Variants in DERPC observed in about 807,000 individuals in gnomAD.
The protein encoded by DERPC is decreased expression in renal and prostate cancer protein.
A neutral mutation model predicts 7.2 loss-of-function variants in DERPC; 1 was observed. The ratio of observed to expected loss-of-function variants is 0.14; its 90% CI spans 0.05 to 0.66. DERPC has a LOEUF of 0.66. Among genes scored for constraint, DERPC ranks in the 30% least tolerant of loss-of-function variants. The pLI, the probability that DERPC is intolerant of heterozygous loss-of-function variation, is 0.84. For missense variants in DERPC, 502 were observed against 299.4 expected (o/e 1.68, Z -4.99); for synonymous variants, 185 against 117.6 (o/e 1.57, Z -3.71).
chr16:69,129,089 CAAAAA>C (rs768378198), intron 1 of DERPC, among the ~76,000 whole-genome samples: 1 of 144,562 alleles, frequency 6.9e-6, no homozygotes, highest in South Asian at 2.2e-4. Flanking sequence ...TGAAACAAAA[CAAAAA>C]AAAAACTGGC....
At chr16:69,129,565 T>C (rs1467776311) in intron 1 of DERPC, among the ~76,000 whole-genome samples, 2 of 152,286 alleles carry the variant, frequency 1.3e-5, no homozygotes, top group Non-Finnish European at 2.9e-5. Flanking sequence ...TGACACCCTA[T>C]GCTTTTAGCA....
chr16:69,122,558 TGG>T (rs1174601284), intron 1 of DERPC, among the ~76,000 whole-genome samples: 5 of 147,224 alleles, frequency 3.4e-5, no homozygotes, highest in East Asian at 2.0e-4. Flanking sequence ...TTTTTTTTTT[TGG>T]GAGGGAGTCT....
intron 1 of DERPC, among the ~76,000 whole-genome samples, chr16:69,129,429 C>CAAAAA (rs11420871): frequency 6.6e-5 from 5 of 75,570 alleles, no homozygotes; most frequent in Non-Finnish European, 1.0e-4. Context: ...GACTCCGTCA[C>CAAAAA]AAAAAAAAAA....
chr16:69,121,156 C>T (rs776627380), intron 2 of DERPC: 2 of 1,612,948 alleles, frequency 1.2e-6, no homozygotes, highest in East Asian at 2.2e-5. Flanking sequence ...TTCTGCCAGG[C>T]CTCCAGCCCT....
rs1961444417 is a variant in DERPC, at chr16:69,119,429, T to C, written c.1000A>G (p.Met334Val). The change falls in exon 3 of 3, where the codon ATG becomes GTG. Residue 334 changes from methionine (M) to valine (V), a missense_variant. Met to Val is a conservative substitution (Grantham distance 21). Coordinates refer to ENST00000519520, the MANE Select transcript of DERPC (RefSeq NM_001002847.4). Reference sequence around the variant, plus strand: ...CCTATGGGGCCAGGAGCCCTTGACATGGGAGATGGATTTGGCCCTGGAAGG... The same window carrying C: ...CCTATGGGGCCAGGAGCCCTTGACACGGGAGATGGATTTGGCCCTGGAAGG... ...IGLPGPNPSP[M>V]SRAPGPIGPN... 1 of 702,802 alleles carries C rather than the reference T, an allele frequency of 1.4e-6. No individual in the cohort carries two copies. Among genetic ancestry groups the C allele is most frequent in the South Asian group, 1.5e-5 (1 of 67,584 alleles). 43.5% of individuals were successfully genotyped at this position (702,802 alleles called of 1,614,324 possible). A position where few individuals can be genotyped will look rare whatever the true frequency, so the allele number is the denominator to read the frequency against.
At chr16:69,125,723 C>T (rs1460220280) in intron 1 of DERPC, among the ~76,000 whole-genome samples, 2 of 152,176 alleles carry the variant, frequency 1.3e-5, no homozygotes, top group Non-Finnish European at 2.9e-5. Context: ...GAACTAAAAG[C>T]ACTTTAAAAA....
chr16:69,121,307 G>C, intron 2 of DERPC, 129 bp downstream of exon 2: 1 of 1,208,046 alleles, frequency 8.3e-7, no homozygotes, highest in South Asian at 1.4e-5. Context: ...GCTAGGCATG[G>C]AACTAGAGAT....
intron 2 of DERPC, chr16:69,121,196 A>G (rs1567589266): frequency 6.3e-7 from 1 of 1,599,708 alleles, no homozygotes; most frequent in Non-Finnish European, 8.6e-7. Flanking sequence ...TGGCGGTTAC[A>G]ATATTTTTGA....
At chr16:69,125,168 T>C (rs564238166) in intron 1 of DERPC, among the ~76,000 whole-genome samples, 2 of 152,286 alleles carry the variant, frequency 1.3e-5, no homozygotes, top group East Asian at 3.9e-4. Flanking sequence ...CCTCCAAAAG[T>C]ACTGAGATTA....
intron 1 of DERPC, 94 bp from the exon 2 acceptor site, chr16:69,121,587 C>T: frequency 1.5e-6 from 1 of 688,056 alleles, no homozygotes; most frequent in Non-Finnish European, 2.5e-6. Context: ...AATCGATTCT[C>T]CTGCCTCAGC....
chr16:69,121,318 C>T (rs1961638427), intron 2 of DERPC, 118 bp downstream of exon 2: 2 of 1,213,824 alleles, frequency 1.6e-6, no homozygotes, highest in East Asian at 4.7e-5. Flanking sequence ...AACTAGAGAT[C>T]AGAATGCAAG....
In DERPC at chr16:69,120,166, G is replaced by A; in HGVS notation, c.263C>T (p.Ala88Val). Residue 88 changes from alanine (A) to valine (V), a missense_variant, in exon 3 of 3, where the codon GCT (alanine) becomes GTT (valine). Ala to Val is a moderately conservative substitution (Grantham distance 64). Coordinates refer to ENST00000519520, the MANE Select transcript of DERPC (RefSeq NM_001002847.4). The surrounding 1 kb of genome is among the most constrained non-coding windows in gnomAD (Gnocchi z 4.0). ...SLASNPAPFP[A>V]GARDPSMASF... is the part of the protein sequence containing the mutation. The stretch of plus-strand genomic sequence containing the variant: ...AGCCATACTTGGGTCACGAGCACCA[G>A]CCGGGAAAGGTGCTGGATTTGAAGC... 1 of 701,556 alleles carries A rather than the reference G, an allele frequency of 1.4e-6. No individual in the cohort carries two copies. Among genetic ancestry groups the A allele is most frequent in the Non-Finnish European group, 2.6e-6 (1 of 385,094 alleles). The allele number at this position is 701,556 out of a possible 1,614,324, so 43.5% of individuals were successfully genotyped here.
rs1961569870 is a variant in DERPC at position 69,120,520 on chromosome 16, C to T, written c.-92G>A. On this transcript the variant is annotated 5_prime_UTR_variant, in exon 3 of 3. Transcript: ENST00000519520. The surrounding 1 kb of genome is among the most constrained non-coding windows in gnomAD (Gnocchi z 4.0). ...AGTGCTGTCACCAGGTACCGGGTGC[C>T]AGTCTCGCGGCCAAGCTCATCACAG... 1 of 1,614,134 alleles carries T rather than the reference C, an allele frequency of 6.2e-7. No homozygotes were observed.
rs1961346307 is a variant in DERPC, at chr16:69,118,541, C to T, written c.*313G>A. Reference sequence around the variant, plus strand: ...CAATGTATCCCTGAGGAAAAGTCCACAAGAACAATTCAAGAAACTAGTAAG... The same window carrying T: ...CAATGTATCCCTGAGGAAAAGTCCATAAGAACAATTCAAGAAACTAGTAAG... On this transcript the variant is annotated 3_prime_UTR_variant, in exon 3 of 3. Transcript: ENST00000519520. 2 of 879,846 alleles carry T rather than the reference C, an allele frequency of 2.3e-6. No individual in the cohort carries two copies. Among genetic ancestry groups the T allele is most frequent in the Non-Finnish European group, 1.9e-6 (1 of 516,496 alleles). 54.5% of individuals were successfully genotyped at this position (879,846 alleles called of 1,614,324 possible). A position where few individuals can be genotyped will look rare whatever the true frequency, so the allele number is the denominator to read the frequency against.
chr16:69,121,058 T>C (rs772093842), intron 2 of DERPC: 29 of 1,613,158 alleles, frequency 1.8e-5, no homozygotes, highest in Non-Finnish European at 1.7e-5. Context: ...CTCACCTCAG[T>C]GGTGTAATGT....
At chr16:69,124,976 C>G (rs2152269663) in intron 1 of DERPC, among the ~76,000 whole-genome samples, 1 of 152,220 alleles carries the variant, frequency 6.6e-6, no homozygotes, top group East Asian at 1.9e-4. Context: ...GCGATCTCGG[C>G]TCACCGCAAC....
chr16:69,123,151 G>A (rs1961807602), intron 1 of DERPC, among the ~76,000 whole-genome samples: 1 of 152,060 alleles, frequency 6.6e-6, no homozygotes, highest in South Asian at 2.1e-4. Flanking sequence ...TTACTGCCCG[G>A]GCTTAAGTGA....
chr16:69,119,102 T>G lies in DERPC; in HGVS notation c.1327A>C (p.Arg443=). 2.8e-6 allele frequency: 2 copies of G among 703,014 alleles called. No homozygotes were observed. The highest frequency in any genetic ancestry group is 1.5e-5 in the South Asian group (1 of 67,570). 43.5% of individuals were successfully genotyped at this position (703,014 alleles called of 1,614,324 possible). Reference sequence around the variant, plus strand: ...GGGCCCAGATGCCCGGCAGCTGGCCTGGGGAAAGTAACTTGACCAGGGCCT... The same window carrying G: ...GGGCCCAGATGCCCGGCAGCTGGCCGGGGGAAAGTAACTTGACCAGGGCCT... ...PLGPGQVTFP[R]PAAGHLGPSP... is the part of the protein sequence containing the mutation. The change falls in exon 3 of 3, where the codon AGG becomes CGG. Residue 443 remains arginine, a synonymous_variant. Transcript: ENST00000519520.
At chr16:69,129,099 A>C (rs931484043) in intron 1 of DERPC, among the ~76,000 whole-genome samples, 7 of 151,210 alleles carry the variant, frequency 4.6e-5, no homozygotes, top group Admixed American at 2.6e-4. Context: ...CAAAAAAAAA[A>C]CTGGCAAATC....
Sources: allele counts gnomAD v4.1 joint callset (sites outside exome capture counted in the v4.1 genomes callset), GRCh38; gene constraint gnomAD v4.1.1; non-coding constraint Gnocchi (gnomAD v3.1); transcripts MANE v1.5; gene names NCBI Gene and HGNC (gene_info 2026-07-23, HGNC 2026-07-21).